Variants in TRAPPC14 observed in about 807,000 individuals in gnomAD.
TRAPPC14 encodes the protein trafficking protein particle complex subunit 14.
Under a neutral mutation model 56.6 loss-of-function variants are expected in TRAPPC14, and 24 were observed. The ratio of observed to expected loss-of-function variants is 0.42; its 90% CI spans 0.31 to 0.60. TRAPPC14 has a LOEUF of 0.60. Among genes scored for constraint, TRAPPC14 ranks in the 20% least tolerant of loss-of-function variants. The pLI is 0.14. For missense variants in TRAPPC14, 615 were observed against 790.3 expected (o/e 0.78, Z 2.66); for synonymous variants, 377 against 347.0 (o/e 1.09, Z -0.96).
rs1376346492 is a variant in TRAPPC14 at position 100,156,559 on chromosome 7, G to T, written c.1077-10C>A. 2 of 1,613,794 alleles carry T rather than the reference G, an allele frequency of 1.2e-6. No individual in the cohort carries two copies. The highest frequency in any genetic ancestry group is 1.3e-5 in the African/African-American group (1 of 74,942). On this transcript the variant is annotated splice_polypyrimidine_tract_variant and intron_variant, in intron 7 of 10. Transcript: ENST00000316937. ...GCGGACACTGGGCAGGCTAGGAGTG[G>T]TGAGAGAGGGATGCTGGCTGTGTGT...
At chr7:100,157,063 C>T (rs375363706) in intron 5 of TRAPPC14, 31 bp downstream of exon 5, 2 of 1,613,942 alleles carry the variant, frequency 1.2e-6, no homozygotes, top group African/African-American at 2.7e-5. Context: ...ATCCCCACCA[C>T]TTCACAGCCT....
In TRAPPC14 at chr7:100,155,354, AGGGCTGCTG is replaced by A; in HGVS notation, c.1488_1496del (p.Ser497_Pro499del). 1 of 1,550,944 alleles carries A rather than the reference AGGGCTGCTG, an allele frequency of 6.4e-7. No individual in the cohort carries two copies. The highest frequency in any genetic ancestry group is 1.2e-5 in the South Asian group (1 of 84,296). On this transcript the variant is annotated inframe_deletion, in exon 10 of 11. Coordinates refer to ENST00000316937, the MANE Select transcript of TRAPPC14 (RefSeq NM_018275.5). ...GCCTCTCCACCAAGTCCCGGACAGCAGGGCTGCTGGGGCTGCTCTTGCGGGAGAGGGGCC... is the reference window on the plus strand; with the variant it reads ...GCCTCTCCACCAAGTCCCGGACAGCAGGGCTGCTCTTGCGGGAGAGGGGCC...
Position 100,155,674 on chromosome 7 carries a change from G to A in TRAPPC14, c.1392C>T (p.Phe464=), listed in dbSNP as rs147792521. 3.7e-5 allele frequency: 59 copies of A among 1,600,642 alleles called. No homozygotes were observed. Among genetic ancestry groups the A allele is most frequent in the Admixed American group, 2.5e-4 (15 of 59,194 alleles). Residue 464 remains phenylalanine (F), a synonymous_variant, in exon 9 of 11, where the codon TTC becomes TTT. Coordinates refer to ENST00000316937, the MANE Select transcript of TRAPPC14 (RefSeq NM_018275.5). ...GCCCAGACCCTCCCCAGCCCACCTC[G>A]AAGAGCCCCGTCCTCAGAGCCTGGA... is the stretch of plus-strand genomic sequence containing the variant. ...VAFQALRTGL[F]ELSQHMKLKL...
Sources: allele counts gnomAD v4.1 joint callset, GRCh38; gene constraint gnomAD v4.1.1; transcripts MANE v1.5; gene names NCBI Gene and HGNC (gene_info 2026-07-23, HGNC 2026-07-21).